The following NELL1 variants were observed in gnomAD, a reference collection of about 807,000 sequenced individuals.
NELL1 encodes neural EGFL like 1.
NELL1 carries 76 observed loss-of-function variants against 107.4 expected under a neutral mutation model. That is an observed-to-expected ratio of 0.71 (90% CI 0.59 to 0.86). The LOEUF (loss-of-function observed/expected upper bound fraction) is 0.86, where lower values mean the gene tolerates loss of function less well. Ranked by LOEUF, NELL1 falls within the 40% of genes least tolerant of loss-of-function variation. The pLI, the probability that NELL1 is intolerant of heterozygous loss-of-function variation, is 0.00. For missense variants in NELL1, 1,024 were observed against 1,005.5 expected (o/e 1.02, Z -0.25); for synonymous variants, 353 against 341.2 (o/e 1.03, Z -0.38).
chr11:21,085,817 A>G (rs1468494222), intron 12 of NELL1, among the ~76,000 whole-genome samples: 5 of 152,202 alleles, frequency 3.3e-5, no homozygotes, highest in African/African-American at 1.2e-4. Flanking sequence ...AGAAGAAAAA[A>G]TGGATTTTAT....
chr11:21,505,602 T>C (rs1329378505), intron 15 of NELL1, among the ~76,000 whole-genome samples: 2 of 152,222 alleles, frequency 1.3e-5, no homozygotes, highest in Non-Finnish European at 2.9e-5. Flanking sequence ...CAAGGTTTTT[T>C]GCATGTGATA....
chr11:21,156,710 A>G (rs753525866), intron 13 of NELL1, among the ~76,000 whole-genome samples: 26 of 151,660 alleles, frequency 1.7e-4, no homozygotes, highest in Admixed American at 6.6e-4. Flanking sequence ...TTGAAAGTAC[A>G]TTAGTCAGCA....
chr11:20,969,274 C>A (rs1590476289), intron 12 of NELL1, among the ~76,000 whole-genome samples: 1 of 152,226 alleles, frequency 6.6e-6, no homozygotes, highest in East Asian at 1.9e-4. Flanking sequence ...GGTGACCCAT[C>A]TCCTTTCTCT....
At chr11:20,991,018 A>C (rs1371638927) in intron 12 of NELL1, among the ~76,000 whole-genome samples, 1 of 151,936 alleles carries the variant, frequency 6.6e-6, no homozygotes, top group Non-Finnish European at 1.5e-5. Context: ...TTGAAAACCA[A>C]CTCTGGTGTT....
chr11:21,241,808 T>C (rs1858367422), intron 14 of NELL1, among the ~76,000 whole-genome samples: 1 of 151,906 alleles, frequency 6.6e-6, no homozygotes, highest in Non-Finnish European at 1.5e-5. Context: ...CTTTCTGCAA[T>C]AAAGTTAGAT....
chr11:20,755,548 T>TA (rs1420797185), intron 2 of NELL1, among the ~76,000 whole-genome samples: 64 of 40,758 alleles, frequency 1.6e-3, no homozygotes, highest in East Asian at 4.6e-3. Context: ...TTGTTTTTTT[T>TA]TGTTTTTGTT....
intron 13 of NELL1, among the ~76,000 whole-genome samples, chr11:21,223,143 G>A (rs1264188936): frequency 6.6e-6 from 1 of 151,982 alleles, no homozygotes; most frequent in South Asian, 2.1e-4. Context: ...GGTTGTTCAA[G>A]CCCCCTATCA....
rs1252611481 is a variant in NELL1, at chr11:21,109,194, T to TACCTAAAAAAC, written c.1301-4394_1301-4393insCCTAAAAAACA. ...GATGCTCCATATAAAGTATCTAGCA[T>TACCTAAAAAAC]AGTGTCTGATACCTAAAAAACAGCA... On this transcript the variant is annotated intron_variant, in intron 12 of 19. Coordinates refer to ENST00000357134, the MANE Select transcript of NELL1 (RefSeq NM_006157.5). 2.0e-5 allele frequency among the ~76,000 whole-genome samples: 3 copies of TACCTAAAAAAC among 152,094 alleles called. No individual in the cohort carries two copies. The South Asian group carries it at 6.2e-4, about 32-fold the overall frequency.
intron 13 of NELL1, among the ~76,000 whole-genome samples, chr11:21,151,684 T>C (rs193057750): frequency 6.6e-6 from 1 of 152,220 alleles, no homozygotes; most frequent in East Asian, 1.9e-4. Context: ...GTTCCTAGCA[T>C]AGAGTAAGCT....
At chr11:21,495,787 A>G (rs138443845) in intron 15 of NELL1, among the ~76,000 whole-genome samples, 3 of 152,156 alleles carry the variant, frequency 2.0e-5, no homozygotes, top group East Asian at 3.9e-4. Context: ...GTATATGCTT[A>G]TTGGCCATTT....
intron 14 of NELL1, among the ~76,000 whole-genome samples, chr11:21,232,536 T>C (rs563755287): frequency 3.1e-4 from 47 of 152,246 alleles, no homozygotes; most frequent in African/African-American, 1.1e-3. Flanking sequence ...ATAACCAAAT[T>C]TGTGTCTCAA....
chr11:20,757,520 A>G (rs1307031684), intron 2 of NELL1, among the ~76,000 whole-genome samples: 1 of 152,160 alleles, frequency 6.6e-6, no homozygotes, highest in Non-Finnish European at 1.5e-5. Flanking sequence ...GACCCTATAT[A>G]CATACCAGAG....
At chr11:21,308,357 T>C (rs1849654201) in intron 14 of NELL1, among the ~76,000 whole-genome samples, 1 of 152,006 alleles carries the variant, frequency 6.6e-6, no homozygotes, top group Non-Finnish European at 1.5e-5. Flanking sequence ...AAGAGCATAT[T>C]TAGCCTCTCC....
chr11:21,014,880 T>A lies in NELL1; in HGVS notation c.1300+54320T>A, dbSNP rs138721872. On this transcript the variant is annotated intron_variant, in intron 12 of 19. Coordinates refer to ENST00000357134, the MANE Select transcript of NELL1 (RefSeq NM_006157.5). ...CCTTGTTGTGGTTATTTCATTATGA[T>A]GAACCTCTTAAAGTACTTCTGAGAA... is the stretch of plus-strand genomic sequence containing the variant. Among the ~76,000 whole-genome samples the A allele has an allele frequency of 1.1e-4, 17 of 152,276 alleles. No individual in the cohort carries two copies. The East Asian group carries it at 3.3e-3, about 29-fold the overall frequency.
chr11:21,552,734 A>AT (rs1372331195), intron 16 of NELL1, among the ~76,000 whole-genome samples: 2 of 151,806 alleles, frequency 1.3e-5, no homozygotes, highest in Non-Finnish European at 2.9e-5. Flanking sequence ...ATTCAAAGGG[A>AT]TAAAATCTTC....
intron 15 of NELL1, 28 bp from the exon 16 acceptor site, chr11:21,534,346 G>T (rs984671622): frequency 6.2e-7 from 1 of 1,613,270 alleles, no homozygotes; most frequent in Non-Finnish European, 8.5e-7. Context: ...TTAATATCCT[G>T]GTGGGCTTGT....
At chr11:20,875,657 G>A (rs1022353699) in intron 4 of NELL1, among the ~76,000 whole-genome samples, 2 of 152,196 alleles carry the variant, frequency 1.3e-5, no homozygotes, top group Admixed American at 1.3e-4. Flanking sequence ...AAATACTAGT[G>A]AGGACAGTCT....
chr11:21,178,968 C>T (rs552392391), intron 13 of NELL1, among the ~76,000 whole-genome samples: 21 of 151,808 alleles, frequency 1.4e-4, no homozygotes, highest in Non-Finnish European at 1.9e-4. Flanking sequence ...AGCTGAGAAT[C>T]TGTAATCTGA....
intron 3 of NELL1, among the ~76,000 whole-genome samples, chr11:20,840,126 T>G (rs2134048181): frequency 6.6e-6 from 1 of 152,322 alleles, no homozygotes; most frequent in East Asian, 1.9e-4. Flanking sequence ...TAAATTACAT[T>G]TTTGGTAGAA....
Sources: allele counts gnomAD v4.1 joint callset (sites outside exome capture counted in the v4.1 genomes callset), GRCh38; gene constraint gnomAD v4.1.1; transcripts MANE v1.5; gene names NCBI Gene and HGNC (gene_info 2026-07-23, HGNC 2026-07-21).